DHDDS: variants seen among roughly 807,000 people sequenced by gnomAD.
DHDDS encodes dehydrodolichyl diphosphate synthase complex subunit DHDDS.
DHDDS carries 16 observed loss-of-function variants against 46.2 expected under a neutral mutation model. That is an observed-to-expected ratio of 0.35 (90% CI 0.23 to 0.53). The LOEUF (loss-of-function observed/expected upper bound fraction) is 0.53, where lower values mean the gene tolerates loss of function less well. Among genes scored for constraint, DHDDS ranks in the 20% least tolerant of loss-of-function variants. DHDDS has a pLI of 0.94. For missense variants in DHDDS, 340 were observed against 423.7 expected (o/e 0.80, Z 1.73); for synonymous variants, 151 against 163.1 (o/e 0.93, Z 0.56).
chr1:26,440,239 T>A (rs899598751), intron 3 of DHDDS, among the ~76,000 whole-genome samples: 1 of 152,226 alleles, frequency 6.6e-6, no homozygotes, highest in African/African-American at 2.4e-5. Context: ...CCGTGATATT[T>A]TTTTCCTTGA....
intron 3 of DHDDS, 95 bp downstream of exon 3, chr1:26,438,379 GT>G: frequency 8.9e-7 from 1 of 1,121,508 alleles, no homozygotes; most frequent in Non-Finnish European, 1.4e-6. Context: ...GTTGGAGAGT[GT>G]TTTTTGTATC....
In DHDDS at chr1:26,469,111, C is replaced by A; in HGVS notation, c.982C>A (p.Leu328Met). Residue 328 changes from leucine to methionine, a missense_variant, in exon 9 of 9, where the codon CTG (leucine) becomes ATG (methionine). By Grantham distance (15) the Leu-to-Met change is conservative. Coordinates refer to ENST00000236342, the MANE Select transcript of DHDDS (RefSeq NM_205861.3). ...CAAGCGAGCTGACTGGCTGGCCCGTCTGGGCACTGCATCAGCCTGAATGAG... is the reference window on the plus strand; with the variant it reads ...CAAGCGAGCTGACTGGCTGGCCCGTATGGGCACTGCATCAGCCTGAATGAG... The part of the protein sequence containing the change: ...ELKRADWLAR[L>M]GTASA The A allele has an allele frequency of 6.2e-7, 1 of 1,612,330 alleles. No individual in the cohort carries two copies. The highest frequency in any genetic ancestry group is 8.5e-7 in the Non-Finnish European group (1 of 1,180,042).
chr1:26,440,484 T>C (rs1382503507), intron 3 of DHDDS, among the ~76,000 whole-genome samples: 1 of 152,174 alleles, frequency 6.6e-6, no homozygotes. Flanking sequence ...GGGTTAGCAA[T>C]CTCTATCTCA....
At chr1:26,452,284 C>T (rs1390323190) in intron 6 of DHDDS, among the ~76,000 whole-genome samples, 5 of 152,096 alleles carry the variant, frequency 3.3e-5, no homozygotes, top group Non-Finnish European at 7.4e-5. Context: ...CTCAAGTGAT[C>T]CTCCTGCCTT....
intron 8 of DHDDS, among the ~76,000 whole-genome samples, chr1:26,461,627 C>T (rs925473842): frequency 5.9e-5 from 9 of 152,114 alleles, no homozygotes; most frequent in African/African-American, 2.2e-4. Context: ...TCAGGTGATC[C>T]GCCCGCCTTG....
chr1:26,459,982 G>T, intron 7 of DHDDS, 55 bp from the exon 8 acceptor site: 1 of 1,429,060 alleles, frequency 7.0e-7, no homozygotes, highest in Non-Finnish European at 9.9e-7. Flanking sequence ...GACTGACCAG[G>T]GATGCGGCCC....
intron 6 of DHDDS, among the ~76,000 whole-genome samples, chr1:26,451,601 G>GCA: frequency 6.6e-6 from 1 of 151,050 alleles, no homozygotes; most frequent in East Asian, 1.9e-4. Context: ...GATTATAGGT[G>GCA]CACACCACCA....
chr1:26,459,709 A>C (rs1299209064), intron 7 of DHDDS, among the ~76,000 whole-genome samples: 1 of 152,224 alleles, frequency 6.6e-6, no homozygotes, highest in Non-Finnish European at 1.5e-5. Context: ...GATGCCCTCT[A>C]AGGGCCAAGA....
chr1:26,468,763 A>G, intron 8 of DHDDS, 132 bp from the exon 9 acceptor site: 1 of 1,313,092 alleles, frequency 7.6e-7, no homozygotes. Flanking sequence ...AGCCTTTTCA[A>G]ATCTGGTACC....
chr1:26,461,256 C>G (rs567606326), intron 8 of DHDDS, among the ~76,000 whole-genome samples: 199 of 152,290 alleles, frequency 1.3e-3, no homozygotes, highest in African/African-American at 4.4e-3. Context: ...TCTTAATCTC[C>G]TTGGTATTGG....
chr1:26,457,224 C>T (rs904873774), intron 6 of DHDDS, among the ~76,000 whole-genome samples: 1 of 148,754 alleles, frequency 6.7e-6, no homozygotes, highest in African/African-American at 2.5e-5. Flanking sequence ...TTTCAGAGGC[C>T]GAGGGGGGGG....
At chr1:26,463,482 A>G (rs369883745) in intron 8 of DHDDS, 1 of 152,198 alleles carries the variant, frequency 6.6e-6, no homozygotes, top group Non-Finnish European at 1.5e-5. Context: ...GTTAGTGGCA[A>G]TGTTGGTAAT....
At chr1:26,441,775 A>G (rs940702506) in intron 3 of DHDDS, among the ~76,000 whole-genome samples, 61 of 152,032 alleles carry the variant, frequency 4.0e-4, no homozygotes, top group African/African-American at 1.3e-3. Context: ...ACATGCCTGT[A>G]GGCCCAGCTA....
intron 7 of DHDDS, 59 bp from the exon 8 acceptor site, chr1:26,459,977 AC>A (rs2075405917): frequency 1.4e-6 from 2 of 1,384,470 alleles, no homozygotes; most frequent in Admixed American, 1.7e-5. Context: ...TGGAGGACTG[AC>A]CAGGGATGCG....
At chr1:26,445,882 G>T (rs545078967) in intron 4 of DHDDS, among the ~76,000 whole-genome samples, 1 of 152,134 alleles carries the variant, frequency 6.6e-6, no homozygotes, top group South Asian at 2.1e-4. Context: ...AATTAGCCAG[G>T]CCTGGTGGTG....
At chr1:26,452,711 A>G (rs1375979700) in intron 6 of DHDDS, among the ~76,000 whole-genome samples, 1 of 152,238 alleles carries the variant, frequency 6.6e-6, no homozygotes, top group Non-Finnish European at 1.5e-5. Flanking sequence ...CTGGGGGCCA[A>G]GATTTCAACC....
In DHDDS at chr1:26,438,619, G is replaced by A. The variant is rs138934178; in HGVS notation, c.180+335G>A. 732 of 329,478 alleles carry A rather than the reference G, an allele frequency of 2.2e-3. 4 individuals carry two copies. The highest frequency in any genetic ancestry group is 0.015 in the African/African-American group (683 of 46,632). 20.4% of individuals were successfully genotyped at this position (329,478 alleles called of 1,614,324 possible). ...GCACACCTGTGCCCCCAGCTACTCA[G>A]GAGGCTGAGGTGGGAGGACTATCTG... is the stretch of plus-strand genomic sequence containing the variant. On this transcript the variant is annotated intron_variant, in intron 3 of 8. Transcript: ENST00000236342.
chr1:26,446,349 G>A lies in DHDDS; in HGVS notation c.357G>A (p.Arg119=), dbSNP rs1440891060. The A allele has an allele frequency of 6.2e-7, 1 of 1,614,040 alleles. No homozygotes were observed. Among genetic ancestry groups the A allele is most frequent in the Admixed American group, 1.7e-5 (1 of 60,010 alleles). ...EKLQKHGVCI[R]VLGDLHLLPL... ...TGCAGAAGCATGGGGTGTGTATCCGGGTCCTGGGCGATCTGCACTTGTTGC... is the reference window on the plus strand; with the variant it reads ...TGCAGAAGCATGGGGTGTGTATCCGAGTCCTGGGCGATCTGCACTTGTTGC... Residue 119 remains arginine (R), a synonymous_variant, in exon 5 of 9, where the codon CGG becomes CGA. Coordinates refer to ENST00000236342, the MANE Select transcript of DHDDS (RefSeq NM_205861.3).
chr1:26,453,458 T>A (rs1021147080), intron 6 of DHDDS, among the ~76,000 whole-genome samples: 2 of 152,172 alleles, frequency 1.3e-5, no homozygotes, highest in African/African-American at 4.8e-5. Context: ...CAAGATTTTT[T>A]AAATGTAAAC....
Sources: gnomAD v4.1 joint callset for allele counts (sites outside exome capture counted in the v4.1 genomes callset) on GRCh38, gnomAD v4.1.1 for gene constraint, MANE v1.5 for transcripts, NCBI Gene and HGNC (gene_info 2026-07-23, HGNC 2026-07-21) for gene names.